The following DCPH1 variants were observed in gnomAD, a reference collection of about 807,000 sequenced individuals.
DCPH1 encodes damage-control phosphatase 1.
chr6:151,457,462 C>T, the DCPH1 span, among the ~76,000 whole-genome samples: 6 of 152,156 alleles, frequency 3.9e-5, no homozygotes, highest in African/African-American at 1.4e-4. Context: ...AAGTTTAAGA[C>T]TTTAGGGAAG....
chr6:151,452,536 G>T, the DCPH1 span: 12 of 1,611,570 alleles, frequency 7.4e-6, no homozygotes, highest in Non-Finnish European at 1.0e-5. Flanking sequence ...GGCCGGGATC[G>T]CGGAAAGTGA....
the DCPH1 span, chr6:151,452,663 G>A: frequency 7.1e-7 from 1 of 1,416,946 alleles, no homozygotes; most frequent in African/African-American, 1.5e-5. Context: ...TAAGCGGAGG[G>A]CGCCCGCTCC....
chr6:151,452,597 C>T, the DCPH1 span: 3 of 1,602,912 alleles, frequency 1.9e-6, 1 homozygote, highest in East Asian at 7.0e-5. Flanking sequence ...GTTAGTCTAG[C>T]TTTTCTCCTC....
At chr6:151,468,250 G>GT in the DCPH1 span, 4 of 803,658 alleles carry the variant, frequency 5.0e-6, no homozygotes, top group South Asian at 5.5e-5. Context: ...ATATTTAGTA[G>GT]TTTTTTAGCA....
At chr6:151,459,459 T>A in the DCPH1 span, among the ~76,000 whole-genome samples, 1 of 152,234 alleles carries the variant, frequency 6.6e-6, no homozygotes, top group Non-Finnish European at 1.5e-5. Context: ...TAGGCTTGTT[T>A]ATATTATTTA....
chr6:151,466,450 C>T, the DCPH1 span, among the ~76,000 whole-genome samples: 1 of 152,186 alleles, frequency 6.6e-6, no homozygotes, highest in Non-Finnish European at 1.5e-5. Context: ...TAGCTAACAA[C>T]TTCTTCACAC....
At chr6:151,461,679 A>C in the DCPH1 span, among the ~76,000 whole-genome samples, 1 of 152,116 alleles carries the variant, frequency 6.6e-6, no homozygotes, top group African/African-American at 2.4e-5. Flanking sequence ...CTCAAAAAAA[A>C]CACCACATAG....
chr6:151,452,504 C>G, the DCPH1 span: 1 of 1,607,994 alleles, frequency 6.2e-7, no homozygotes, highest in Non-Finnish European at 8.5e-7. Context: ...GTTTCTGCGG[C>G]GATTGAACAG....
At chr6:151,455,678 G>A in the DCPH1 span, among the ~76,000 whole-genome samples, 1 of 152,202 alleles carries the variant, frequency 6.6e-6, no homozygotes, top group Non-Finnish European at 1.5e-5. Flanking sequence ...GGGACGGGCA[G>A]GAGACAGATG....
At chr6:151,457,391 G>A in the DCPH1 span, among the ~76,000 whole-genome samples, 2 of 152,184 alleles carry the variant, frequency 1.3e-5, no homozygotes, top group Non-Finnish European at 2.9e-5. Flanking sequence ...ATATGCTTCT[G>A]TAAAAGGGTG....
At chr6:151,455,335 G>A in the DCPH1 span, among the ~76,000 whole-genome samples, 1 of 152,208 alleles carries the variant, frequency 6.6e-6, no homozygotes, top group Admixed American at 6.5e-5. Flanking sequence ...GGGAACCAGC[G>A]TTCAGCATAT....
the DCPH1 span, chr6:151,468,512 C>T: frequency 1.1e-5 from 17 of 1,613,204 alleles, no homozygotes; most frequent in Non-Finnish European, 1.4e-5. Flanking sequence ...AGAGAAAAAG[C>T]TTCTGCTACT....
At chr6:151,453,680 A>G in the DCPH1 span, among the ~76,000 whole-genome samples, 1 of 152,236 alleles carries the variant, frequency 6.6e-6, no homozygotes, top group Non-Finnish European at 1.5e-5. Flanking sequence ...ATCTGGAGAT[A>G]AAAACACTAG....
the DCPH1 span, among the ~76,000 whole-genome samples, chr6:151,460,607 A>G: frequency 2.0e-5 from 3 of 151,500 alleles, no homozygotes; most frequent in Non-Finnish European, 4.4e-5. Flanking sequence ...AACATGCTGA[A>G]ACCCCGTCTC....
chr6:151,469,351 G>A, the DCPH1 span: 1 of 384,138 alleles, frequency 2.6e-6, no homozygotes, highest in African/African-American at 2.1e-5. Flanking sequence ...TGGAATTTTA[G>A]CAACTTTTTT....
the DCPH1 span, among the ~76,000 whole-genome samples, chr6:151,460,461 C>T: frequency 6.6e-6 from 1 of 151,106 alleles, no homozygotes; most frequent in African/African-American, 2.4e-5. Flanking sequence ...GGTTTTAGAA[C>T]TTCTGATCTA....
At chr6:151,458,447 T>C in the DCPH1 span, 1 of 1,613,710 alleles carries the variant, frequency 6.2e-7, no homozygotes, top group Non-Finnish European at 8.5e-7. Context: ...ATATATGGAA[T>C]CAGTACCTAG....
At chr6:151,458,009 A>G in the DCPH1 span, among the ~76,000 whole-genome samples, 2 of 152,200 alleles carry the variant, frequency 1.3e-5, no homozygotes, top group Admixed American at 6.5e-5. Context: ...AGTGGTGTCA[A>G]TGGTGAAAGA....
the DCPH1 span, among the ~76,000 whole-genome samples, chr6:151,457,093 T>A: frequency 3.9e-5 from 6 of 152,176 alleles, no homozygotes; most frequent in African/African-American, 2.4e-5. Flanking sequence ...CCTCATGTGT[T>A]CTAGCTTCCT....
Sources: gnomAD v4.1 joint callset for allele counts (sites outside exome capture counted in the v4.1 genomes callset) on GRCh38, gnomAD v4.1.1 for gene constraint, MANE v1.5 for transcripts, NCBI Gene and HGNC (gene_info 2026-07-23, HGNC 2026-07-21) for gene names.